Variants in CNTNAP2 observed in about 807,000 individuals in gnomAD.
The protein encoded by CNTNAP2 is contactin-associated protein-like 2.
A neutral mutation model predicts 155.2 loss-of-function variants in CNTNAP2; 98 were observed. That is an observed-to-expected ratio of 0.63 (90% CI 0.54 to 0.75). The LOEUF (loss-of-function observed/expected upper bound fraction) is 0.75. Among genes scored for constraint, CNTNAP2 ranks in the 30% least tolerant of loss-of-function variants. The pLI is 0.00. For missense variants in CNTNAP2, 1,727 were observed against 1,688.1 expected (o/e 1.02, Z -0.40); for synonymous variants, 651 against 631.2 (o/e 1.03, Z -0.47).
intron 1 of CNTNAP2, among the ~76,000 whole-genome samples, chr7:146,252,886 AATGATAATAAT>A (rs1799777644): frequency 6.6e-6 from 1 of 151,932 alleles, no homozygotes; most frequent in Non-Finnish European, 1.5e-5. Flanking sequence ...GCCTCATCGT[AATGATAATAAT>A]GAGAGCAACA....
intron 3 of CNTNAP2, among the ~76,000 whole-genome samples, chr7:146,934,084 T>A (rs1408587868): frequency 6.6e-6 from 1 of 152,068 alleles, no homozygotes; most frequent in Non-Finnish European, 1.5e-5. Flanking sequence ...AGCCATCCTA[T>A]TACTGGGTAT....
At chr7:147,044,992 G>T (rs149591776) in intron 4 of CNTNAP2, among the ~76,000 whole-genome samples, 19 of 152,192 alleles carry the variant, frequency 1.2e-4, no homozygotes, top group African/African-American at 4.6e-4. Context: ...TCCAGTTGTG[G>T]TTGTTGTTTC....
intron 13 of CNTNAP2, among the ~76,000 whole-genome samples, chr7:147,664,740 G>T (rs1201234490): frequency 6.6e-6 from 1 of 152,026 alleles, no homozygotes; most frequent in Non-Finnish European, 1.5e-5. Context: ...GACTTTACAG[G>T]GTCTTTCATG....
At chr7:146,897,957 AAC>A (rs1458939105) in intron 3 of CNTNAP2, among the ~76,000 whole-genome samples, 19 of 152,246 alleles carry the variant, frequency 1.2e-4, no homozygotes, top group Non-Finnish European at 2.2e-4. Flanking sequence ...AATATCTAAA[AAC>A]AATTCAGTGA....
At chr7:147,676,451 A>G (rs975524817) in intron 13 of CNTNAP2, among the ~76,000 whole-genome samples, 3 of 152,012 alleles carry the variant, frequency 2.0e-5, no homozygotes, top group Non-Finnish European at 4.4e-5. Context: ...GTCTATATAC[A>G]TTATGGAATG....
chr7:146,897,631 T>C (rs992900781), intron 3 of CNTNAP2, among the ~76,000 whole-genome samples: 5 of 150,744 alleles, frequency 3.3e-5, no homozygotes, highest in African/African-American at 1.2e-4. Context: ...TGTGGAAACC[T>C]TTTGAGAGCT....
chr7:146,611,530 T>A (rs1290977399), intron 1 of CNTNAP2, among the ~76,000 whole-genome samples: 1 of 152,138 alleles, frequency 6.6e-6, no homozygotes, highest in Non-Finnish European at 1.5e-5. Flanking sequence ...GTGAAAGTAT[T>A]TGAGGTCTAA....
chr7:146,991,200 T>A (rs992562737), intron 3 of CNTNAP2, among the ~76,000 whole-genome samples: 2 of 152,156 alleles, frequency 1.3e-5, no homozygotes, highest in African/African-American at 4.8e-5. Context: ...TGTTGAAATT[T>A]GATTGAAAGA....
chr7:146,903,420 A>T (rs1048249442), intron 3 of CNTNAP2, among the ~76,000 whole-genome samples: 1 of 152,204 alleles, frequency 6.6e-6, no homozygotes, highest in African/African-American at 2.4e-5. Flanking sequence ...AGCTCCCCAA[A>T]CTTAATATGT....
chr7:147,240,282 G>A (rs1803906791), intron 8 of CNTNAP2, among the ~76,000 whole-genome samples: 1 of 152,152 alleles, frequency 6.6e-6, no homozygotes, highest in African/African-American at 2.4e-5. Flanking sequence ...CTATGATTGT[G>A]CCACCGCACT....
At chr7:147,751,995 C>T (rs1057503462) in intron 13 of CNTNAP2, among the ~76,000 whole-genome samples, 1 of 152,154 alleles carries the variant, frequency 6.6e-6, no homozygotes, top group African/African-American at 2.4e-5. Flanking sequence ...ACAGGTTCTT[C>T]TGATTAGCAA....
At chr7:146,854,567 G>A (rs1311630285) in intron 3 of CNTNAP2, among the ~76,000 whole-genome samples, 4 of 132,632 alleles carry the variant, frequency 3.0e-5, no homozygotes, top group African/African-American at 6.3e-5. Flanking sequence ...CTTAGCAAAG[G>A]GTCTTTAAGA....
At chr7:147,290,097 G>A (rs10085766) in intron 8 of CNTNAP2, among the ~76,000 whole-genome samples, 24,084 of 152,112 alleles carry the variant, frequency 0.16, 3,083 homozygotes, top group East Asian at 0.7. Flanking sequence ...GGGAAATACA[G>A]GGTTAGGTTC....
chr7:147,063,414 A>G (rs1284224524), intron 4 of CNTNAP2, among the ~76,000 whole-genome samples: 3 of 152,120 alleles, frequency 2.0e-5, no homozygotes, highest in South Asian at 2.1e-4. Context: ...TAATTTTACA[A>G]CCGCAGGTAT....
At chr7:146,724,964 C>G (rs986097777) in intron 1 of CNTNAP2, among the ~76,000 whole-genome samples, 3 of 152,104 alleles carry the variant, frequency 2.0e-5, no homozygotes, top group Non-Finnish European at 4.4e-5. Flanking sequence ...AATGTATTCT[C>G]TCACAGTGTG....
intron 1 of CNTNAP2, among the ~76,000 whole-genome samples, chr7:146,612,706 A>G (rs1312989217): frequency 6.6e-6 from 1 of 152,138 alleles, no homozygotes; most frequent in African/African-American, 2.4e-5. Context: ...TAAATTTCCC[A>G]TTAAAAAATC....
intron 1 of CNTNAP2, among the ~76,000 whole-genome samples, chr7:146,129,812 C>T (rs941156120): frequency 1.3e-5 from 2 of 152,060 alleles, no homozygotes; most frequent in Non-Finnish European, 2.9e-5. Flanking sequence ...CCTTAAAGTT[C>T]TCTTTTATTG....
At chr7:147,478,341 C>T (rs938077011) in intron 10 of CNTNAP2, among the ~76,000 whole-genome samples, 4 of 151,926 alleles carry the variant, frequency 2.6e-5, no homozygotes, top group African/African-American at 4.8e-5. Context: ...TTATTAGAGA[C>T]GAGGTTTCAC....
At chr7:146,935,079 A>C (rs563678729) in intron 3 of CNTNAP2, among the ~76,000 whole-genome samples, 24 of 152,220 alleles carry the variant, frequency 1.6e-4, no homozygotes, top group Non-Finnish European at 2.6e-4. Context: ...GCGTCCCTCC[A>C]CATTCTTGGA....
Sources: gnomAD v4.1 joint callset for allele counts (sites outside exome capture counted in the v4.1 genomes callset) on GRCh38, gnomAD v4.1.1 for gene constraint, MANE v1.5 for transcripts, NCBI Gene and HGNC (gene_info 2026-07-23, HGNC 2026-07-21) for gene names.